The following DNAJC13 variants were observed in gnomAD, a reference collection of about 807,000 sequenced individuals.
The protein encoded by DNAJC13 is dnaJ homolog subfamily C member 13.
In DNAJC13, 75 loss-of-function variants were observed where a neutral mutation model predicts 290.5. The ratio of observed to expected loss-of-function variants is 0.26; its 90% CI spans 0.21 to 0.31. The LOEUF is 0.31. Ranked by LOEUF, DNAJC13 falls within the 10% of genes least tolerant of loss-of-function variation. The probability of loss-of-function intolerance (pLI) is 1.00; values close to 1 mark genes in which losing one functional copy is unlikely to be tolerated. For missense variants in DNAJC13, 2,260 were observed against 2,674.5 expected, an observed-to-expected ratio of 0.85 and a Z score of 3.42; for synonymous variants, 862 against 892.0, an observed-to-expected ratio of 0.97 and a Z score of 0.60.
chr3:132,507,698 C>A (rs1935640076), intron 43 of DNAJC13, among the ~76,000 whole-genome samples: 1 of 152,150 alleles, frequency 6.6e-6, no homozygotes, highest in South Asian at 2.1e-4. Context: ...CAATAGTGAA[C>A]TTCATCAATA....
intron 33 of DNAJC13, among the ~76,000 whole-genome samples, chr3:132,493,606 A>G (rs529076266): frequency 6.6e-6 from 1 of 152,248 alleles, no homozygotes; most frequent in African/African-American, 2.4e-5. Context: ...GCAGGCAATA[A>G]ATATTAGAGC....
At chr3:132,537,894 G>A (rs1481061855) in intron 55 of DNAJC13, among the ~76,000 whole-genome samples, 25 of 152,192 alleles carry the variant, frequency 1.6e-4, no homozygotes, top group Admixed American at 1.6e-3. Context: ...TTTTTTGAAA[G>A]ATTGAATTTC....
intron 54 of DNAJC13, among the ~76,000 whole-genome samples, chr3:132,529,656 A>G (rs937437501): frequency 3.3e-5 from 5 of 151,996 alleles, no homozygotes; most frequent in Non-Finnish European, 7.4e-5. Flanking sequence ...GCGTGGTGGC[A>G]GGCGCCTGTA....
At chr3:132,456,143 A>T in intron 9 of DNAJC13, 92 bp from the exon 10 acceptor site, 4 of 1,157,294 alleles carry the variant, frequency 3.5e-6, no homozygotes, top group Non-Finnish European at 4.9e-6. Flanking sequence ...CCCTGAGCAG[A>T]TTACCTGCTA....
At chr3:132,499,397 G>T in intron 37 of DNAJC13, 87 bp downstream of exon 37, 1 of 1,135,454 alleles carries the variant, frequency 8.8e-7, no homozygotes, top group Non-Finnish European at 1.2e-6. Context: ...AAGTACAAAT[G>T]CAGATTCTTT....
chr3:132,452,426 G>T (rs191332753), intron 6 of DNAJC13, among the ~76,000 whole-genome samples: 6 of 152,156 alleles, frequency 3.9e-5, no homozygotes, highest in Non-Finnish European at 7.4e-5. Flanking sequence ...TCTTAAACAC[G>T]ATGTGATCCA....
At position 132,522,861 on chromosome 3, in the gene DNAJC13, G is replaced by C. The variant is rs150102948; in HGVS notation, c.5707G>C (p.Val1903Leu). 1 of 1,609,098 alleles carries C rather than the reference G, an allele frequency of 6.2e-7. No individual in the cohort carries two copies. The highest frequency in any genetic ancestry group is 2.2e-5 in the East Asian group (1 of 44,804). Reference sequence around the variant, plus strand: ...TACGTTAATGAAATTTCTACCAAGCGTTTTCATGGATGCTATGAGAGACAA... The same window carrying C: ...TACGTTAATGAAATTTCTACCAAGCCTTTTCATGGATGCTATGAGAGACAA... The part of the protein sequence containing the change: ...RITLMKFLPS[V>L]FMDAMRDNPE... Residue 1903 changes from valine to leucine, a missense_variant, in exon 49 of 56, where the codon GTT (valine) becomes CTT (leucine). Physicochemically the swap from Val to Leu is conservative, Grantham distance 32 (BLOSUM62 1). This residue lies in a region of DNAJC13 where 1,494 missense variants were observed against 1,693.7 expected (regional missense o/e 0.88). Coordinates refer to ENST00000260818, the MANE Select transcript of DNAJC13 (RefSeq NM_015268.4).
At chr3:132,466,875 A>C (rs1255798275) in intron 19 of DNAJC13, among the ~76,000 whole-genome samples, 2 of 152,196 alleles carry the variant, frequency 1.3e-5, no homozygotes, top group African/African-American at 4.8e-5. Flanking sequence ...TTTATGATAC[A>C]CTACTATAAT....
At chr3:132,495,742 A>G (rs997171915) in intron 35 of DNAJC13, among the ~76,000 whole-genome samples, 6 of 152,104 alleles carry the variant, frequency 3.9e-5, no homozygotes, top group African/African-American at 1.2e-4. Flanking sequence ...TTTTCACTGG[A>G]AACAGAACAG....
intron 2 of DNAJC13, among the ~76,000 whole-genome samples, chr3:132,443,729 G>A (rs764320225): frequency 6.6e-6 from 1 of 152,140 alleles, no homozygotes; most frequent in African/African-American, 2.4e-5. Context: ...ACTTAAGGAA[G>A]GGAGTGCGGA....
chr3:132,514,678 T>C lies in DNAJC13; in HGVS notation c.5485+8T>C, dbSNP rs371514408. On this transcript the variant is annotated splice_region_variant and intron_variant, in intron 46 of 55. Coordinates refer to ENST00000260818, the MANE Select transcript of DNAJC13 (RefSeq NM_015268.4). ...TACATTCATTGCCATCAAGTATGTA[T>C]ACAGATGGAATTTTGGAAACCACAG... 2.5e-6 allele frequency: 4 copies of C among 1,600,170 alleles called. No individual in the cohort carries two copies. In the African/African-American group the frequency reaches 4.0e-5, roughly 16 times the overall value.
At chr3:132,512,241 A>C (rs974012797) in intron 44 of DNAJC13, among the ~76,000 whole-genome samples, 2 of 152,090 alleles carry the variant, frequency 1.3e-5, no homozygotes, top group Non-Finnish European at 2.9e-5. Context: ...ATTAGAATTA[A>C]CTCTCTCGTA....
intron 44 of DNAJC13, 84 bp from the exon 45 acceptor site, chr3:132,512,924 T>C (rs1213586639): frequency 5.3e-6 from 6 of 1,127,530 alleles, no homozygotes; most frequent in Non-Finnish European, 8.0e-6. Context: ...AAATTGACAG[T>C]AAACAACAGT....
chr3:132,510,379 T>C (rs1935737305), intron 43 of DNAJC13, among the ~76,000 whole-genome samples: 1 of 152,136 alleles, frequency 6.6e-6, no homozygotes, highest in Non-Finnish European at 1.5e-5. Flanking sequence ...TAGGGAGTTT[T>C]TGCTTTCATT....
intron 4 of DNAJC13, among the ~76,000 whole-genome samples, 161 bp from the exon 5 acceptor site, chr3:132,447,737 C>T (rs907725518): frequency 6.6e-5 from 10 of 152,088 alleles, no homozygotes; most frequent in African/African-American, 2.2e-4. Flanking sequence ...AATAAGGTTT[C>T]ATACTCTTTT....
intron 52 of DNAJC13, 92 bp from the exon 53 acceptor site, chr3:132,526,049 T>C: frequency 1.3e-6 from 2 of 1,485,502 alleles, no homozygotes; most frequent in Non-Finnish European, 1.8e-6. Context: ...TAAGGGATTC[T>C]TTTTTTACTT....
intron 46 of DNAJC13, chr3:132,514,921 T>TACTGAGATCACC: frequency 1.0e-5 from 2 of 194,552 alleles, no homozygotes; most frequent in Non-Finnish European, 1.8e-5. Flanking sequence ...TTCAGTTTGT[T>TACTGAGATCACC]GAGATCTACA....
chr3:132,536,489 A>G (rs1454863244), intron 55 of DNAJC13, among the ~76,000 whole-genome samples: 1 of 152,174 alleles, frequency 6.6e-6, no homozygotes, highest in Non-Finnish European at 1.5e-5. Context: ...TCATTAATCC[A>G]CTTTCTAGAT....
At chr3:132,484,855 G>A (rs934131477) in intron 29 of DNAJC13, among the ~76,000 whole-genome samples, 183 bp downstream of exon 29, 6 of 151,952 alleles carry the variant, frequency 3.9e-5, no homozygotes, top group Admixed American at 1.3e-4. Flanking sequence ...GGTTGCTTGA[G>A]TCAAGGAGTT....
Sources: gnomAD v4.1 joint callset for allele counts (sites outside exome capture counted in the v4.1 genomes callset) on GRCh38, gnomAD v4.1.1 for gene constraint, gnomAD v4.1.1 regional missense constraint, MANE v1.5 for transcripts, NCBI Gene and HGNC (gene_info 2026-07-23, HGNC 2026-07-21) for gene names.